FRMD4A: variants seen among roughly 807,000 people sequenced by gnomAD.
FRMD4A encodes the protein FERM domain-containing protein 4A.
Under a neutral mutation model 129.1 loss-of-function variants are expected in FRMD4A, and 29 were observed. That is an observed-to-expected ratio of 0.22 (90% CI 0.17 to 0.31). The LOEUF is 0.31. Ranked by LOEUF, FRMD4A falls within the 10% of genes least tolerant of loss-of-function variation. The pLI is 1.00. For synonymous variants in FRMD4A, 634 were observed against 571.6 expected (o/e 1.11, Z -1.56); for missense variants, 1,272 against 1,375.8 (o/e 0.92, Z 1.19).
chr10:13,770,367 C>G (rs1039826755), intron 6 of FRMD4A, among the ~76,000 whole-genome samples: 20 of 152,158 alleles, frequency 1.3e-4, no homozygotes, highest in Non-Finnish European at 2.4e-4. Context: ...TGCTGTCCAC[C>G]CCACCGCAGA....
chr10:14,136,172 G>A (rs964587025), intron 2 of FRMD4A, among the ~76,000 whole-genome samples: 3 of 152,178 alleles, frequency 2.0e-5, no homozygotes, highest in Non-Finnish European at 4.4e-5. Context: ...ACTGGGGTAA[G>A]TGAGAGGAAA....
intron 2 of FRMD4A, among the ~76,000 whole-genome samples, chr10:14,160,154 T>C (rs1265580687): frequency 6.6e-6 from 1 of 152,124 alleles, no homozygotes; most frequent in East Asian, 1.9e-4. Flanking sequence ...CAGATATAAA[T>C]AAGTCTATAT....
In FRMD4A at chr10:14,069,265, T is replaced by C. The variant is rs978033829; in HGVS notation, c.46-210353A>G. ...ATGTTATTGAACTGCCATACCTCAA[T>C]ATACACAGCTATAAAAAATGACAGT... is the stretch of plus-strand genomic sequence containing the variant. On this transcript the variant is annotated intron_variant, in intron 2 of 24. Coordinates refer to ENST00000357447, the MANE Select transcript of FRMD4A (RefSeq NM_018027.5). 7.2e-5 allele frequency among the ~76,000 whole-genome samples: 11 copies of C among 152,196 alleles called. No homozygotes were observed. The East Asian group carries it at 2.1e-3, about 29-fold the overall frequency.
At chr10:13,897,647 G>A (rs1407276758) in intron 2 of FRMD4A, among the ~76,000 whole-genome samples, 2 of 152,100 alleles carry the variant, frequency 1.3e-5, no homozygotes, top group African/African-American at 4.8e-5. Context: ...AACATTATAG[G>A]CCTTAGATTA....
At chr10:13,773,721 C>T (rs1282225176) in intron 6 of FRMD4A, among the ~76,000 whole-genome samples, 4 of 152,216 alleles carry the variant, frequency 2.6e-5, no homozygotes, top group Admixed American at 2.6e-4. Flanking sequence ...CTTCTTCTGT[C>T]AGTGCAGAAC....
chr10:13,755,446 T>A (rs907839181), intron 8 of FRMD4A, among the ~76,000 whole-genome samples: 10 of 152,210 alleles, frequency 6.6e-5, no homozygotes, highest in African/African-American at 2.2e-4. Flanking sequence ...CACCATCCCA[T>A]GGTTTATAGA....
intron 2 of FRMD4A, among the ~76,000 whole-genome samples, chr10:14,277,188 C>A (rs1419916159): frequency 6.6e-6 from 1 of 152,144 alleles, no homozygotes; most frequent in East Asian, 1.9e-4. Context: ...ATGTTGACCA[C>A]ATGAGATTCT....
intron 2 of FRMD4A, among the ~76,000 whole-genome samples, chr10:14,206,785 G>A (rs1008150037): frequency 9.8e-6 from 1 of 102,402 alleles, no homozygotes; most frequent in African/African-American, 3.9e-5. Flanking sequence ...CCAGCAGCCT[G>A]GATGACAGAG....
intron 2 of FRMD4A, among the ~76,000 whole-genome samples, chr10:13,864,701 G>A (rs1215107630): frequency 6.6e-5 from 10 of 150,734 alleles, no homozygotes; most frequent in African/African-American, 2.4e-4. Context: ...TCAGCCTCCC[G>A]AGTAGCTGGG....
chr10:13,802,003 C>CAAAA (rs11426622), intron 4 of FRMD4A, among the ~76,000 whole-genome samples: 67 of 109,442 alleles, frequency 6.1e-4, no homozygotes, highest in African/African-American at 1.3e-3. Flanking sequence ...AATAATAATG[C>CAAAA]AAAAAAAAAA....
At chr10:13,719,334 A>G (rs1035171941) in intron 12 of FRMD4A, among the ~76,000 whole-genome samples, 2 of 152,146 alleles carry the variant, frequency 1.3e-5, no homozygotes, top group Non-Finnish European at 1.5e-5. Flanking sequence ...GAACTGGGGA[A>G]GTCTACGATT....
intron 2 of FRMD4A, among the ~76,000 whole-genome samples, chr10:13,945,014 C>A (rs2095321588): frequency 6.6e-6 from 1 of 152,172 alleles, no homozygotes; most frequent in African/African-American, 2.4e-5. Context: ...ACGTGGACAT[C>A]TCCTATTCCA....
intron 2 of FRMD4A, among the ~76,000 whole-genome samples, chr10:14,077,060 A>G (rs1456765390): frequency 6.6e-6 from 1 of 152,154 alleles, no homozygotes; most frequent in African/African-American, 2.4e-5. Flanking sequence ...GTCCTGGGCC[A>G]AGGAGGACTT....
In FRMD4A at chr10:13,656,875, C is replaced by T; in HGVS notation, c.2714G>A (p.Arg905Gln). Residue 905 changes from arginine to glutamine, a missense_variant, in exon 22 of 25, where the codon CGG (arginine) becomes CAG (glutamine). Around this residue, in one of 2 missense-constraint regions of FRMD4A, gnomAD observed 972 missense variants for 892.3 expected, o/e 1.09. Coordinates refer to ENST00000357447, the MANE Select transcript of FRMD4A (RefSeq NM_018027.5). ...RLTPSRSQIL[R>Q]TPSLGREGAH... ...GCCCTCGCGGCCCAGCGACGGAGTC[C>T]GCAGGATCTGCGATCGCGACGGCGT... 6.7e-7 allele frequency: 1 copy of T among 1,489,842 alleles called. No homozygotes were observed. The highest frequency in any genetic ancestry group is 8.9e-7 in the Non-Finnish European group (1 of 1,125,438). The allele number at this position is 1,489,842 out of a possible 1,614,324, so 92.3% of individuals were successfully genotyped here. A position where few individuals can be genotyped will look rare whatever the true frequency, so the allele number is the denominator to read the frequency against.
At chr10:14,320,402 G>C (rs79536570) in intron 2 of FRMD4A, among the ~76,000 whole-genome samples, 1 of 151,996 alleles carries the variant, frequency 6.6e-6, no homozygotes, top group African/African-American at 2.4e-5. Flanking sequence ...CACCCTTGGC[G>C]GTTTAACATT....
chr10:14,123,809 G>C (rs1838672391), intron 2 of FRMD4A, among the ~76,000 whole-genome samples: 1 of 152,156 alleles, frequency 6.6e-6, no homozygotes, highest in African/African-American at 2.4e-5. Flanking sequence ...CATGTTATTT[G>C]TTTCCAGCGG....
intron 2 of FRMD4A, among the ~76,000 whole-genome samples, chr10:14,156,159 G>C (rs1486321287): frequency 6.6e-6 from 1 of 152,136 alleles, no homozygotes; most frequent in Non-Finnish European, 1.5e-5. Flanking sequence ...ATCATGACTT[G>C]CGGTATATTC....
intron 2 of FRMD4A, among the ~76,000 whole-genome samples, chr10:14,302,707 A>T (rs150336505): frequency 6.6e-6 from 1 of 152,334 alleles, no homozygotes; most frequent in East Asian, 1.9e-4. Flanking sequence ...GTGTCCAAAC[A>T]TACAGCACAA....
At chr10:13,973,259 G>A (rs893105367) in intron 2 of FRMD4A, among the ~76,000 whole-genome samples, 60 of 152,138 alleles carry the variant, frequency 3.9e-4, no homozygotes, top group Admixed American at 3.9e-3. Context: ...GAAACCCTTA[G>A]GATAAAAATT....
Sources: allele counts gnomAD v4.1 joint callset (sites outside exome capture counted in the v4.1 genomes callset), GRCh38; gene constraint gnomAD v4.1.1; regional missense constraint gnomAD v4.1.1; transcripts MANE v1.5; gene names NCBI Gene and HGNC (gene_info 2026-07-23, HGNC 2026-07-21).